The following SKIC3 variants were observed in gnomAD, a reference collection of about 807,000 sequenced individuals.
The protein encoded by SKIC3 is superkiller complex protein 3.
the SKIC3 span, among the ~76,000 whole-genome samples, chr5:95,489,822 A>T: frequency 6.6e-6 from 1 of 152,158 alleles, no homozygotes; most frequent in South Asian, 2.1e-4. Context: ...TAATCTGAAG[A>T]GCATGGCTTC....
the SKIC3 span, among the ~76,000 whole-genome samples, chr5:95,474,686 A>T: frequency 1.3e-5 from 2 of 152,106 alleles, no homozygotes; most frequent in African/African-American, 4.8e-5. Flanking sequence ...ATTTAGGAAA[A>T]TTTTTGTGGA....
chr5:95,503,668 G>A, the SKIC3 span: 1 of 1,003,826 alleles, frequency 1.0e-6, no homozygotes, highest in Non-Finnish European at 1.5e-6. Context: ...ATAAAAAAGT[G>A]CCTAGTATTG....
the SKIC3 span, among the ~76,000 whole-genome samples, chr5:95,533,814 T>A: frequency 6.6e-6 from 1 of 152,208 alleles, no homozygotes; most frequent in Non-Finnish European, 1.5e-5. Context: ...TGCAAAACTC[T>A]GTAGACTATT....
chr5:95,496,856 T>C, the SKIC3 span, among the ~76,000 whole-genome samples: 1 of 152,122 alleles, frequency 6.6e-6, no homozygotes, highest in Admixed American at 6.5e-5. Context: ...TACCAACTAG[T>C]GAAGTGAACT....
chr5:95,533,630 T>A, the SKIC3 span, among the ~76,000 whole-genome samples: 2 of 152,198 alleles, frequency 1.3e-5, no homozygotes, highest in Non-Finnish European at 2.9e-5. Context: ...TATCCACATA[T>A]ACACTCTTTT....
the SKIC3 span, chr5:95,525,297 A>G: frequency 8.9e-7 from 1 of 1,118,700 alleles, no homozygotes; most frequent in Non-Finnish European, 1.3e-6. Flanking sequence ...GATCAAATTC[A>G]TGAAAAATCA....
At chr5:95,522,834 G>T in the SKIC3 span, among the ~76,000 whole-genome samples, 3 of 152,036 alleles carry the variant, frequency 2.0e-5, no homozygotes, top group Admixed American at 2.0e-4. Flanking sequence ...GACTCAAATT[G>T]ATCATATATG....
chr5:95,469,684 T>C, the SKIC3 span: 2 of 1,566,542 alleles, frequency 1.3e-6, no homozygotes, highest in Non-Finnish European at 1.8e-6. Flanking sequence ...ATTGGTCTGT[T>C]ACAAACTTTA....
the SKIC3 span, among the ~76,000 whole-genome samples, chr5:95,489,569 AAAG>A: frequency 8.6e-5 from 13 of 151,974 alleles, no homozygotes; most frequent in Non-Finnish European, 1.3e-4. Context: ...ACATGCTAAC[AAAG>A]AAGAGAAAAT....
At chr5:95,494,607 A>AT in the SKIC3 span, 2 of 1,443,984 alleles carry the variant, frequency 1.4e-6, no homozygotes, top group East Asian at 4.6e-5. Flanking sequence ...TGTGTGCAAG[A>AT]TTTTTCCCCC....
At chr5:95,480,894 G>T in the SKIC3 span, among the ~76,000 whole-genome samples, 2 of 152,098 alleles carry the variant, frequency 1.3e-5, no homozygotes, top group African/African-American at 4.8e-5. Context: ...TTGATATGAA[G>T]TTCAAAAACA....
At chr5:95,513,627 C>T in the SKIC3 span, 1 of 1,613,860 alleles carries the variant, frequency 6.2e-7, no homozygotes, top group Non-Finnish European at 8.5e-7. Context: ...TAACTTCCAA[C>T]TGCCTCAGCA....
the SKIC3 span, among the ~76,000 whole-genome samples, chr5:95,539,451 T>C: frequency 6.6e-6 from 1 of 152,098 alleles, no homozygotes; most frequent in Non-Finnish European, 1.5e-5. Flanking sequence ...AAAAAATAGA[T>C]GTTGGTGTGG....
At chr5:95,513,532 T>G in the SKIC3 span, 9 of 1,593,090 alleles carry the variant, frequency 5.6e-6, no homozygotes, top group East Asian at 2.2e-5. Context: ...AACACTTTTC[T>G]CATTAATGAA....
the SKIC3 span, among the ~76,000 whole-genome samples, chr5:95,507,666 T>C: frequency 6.6e-6 from 1 of 152,226 alleles, no homozygotes; most frequent in Non-Finnish European, 1.5e-5. Flanking sequence ...GAAAGATTTT[T>C]TATCTCCCTG....
the SKIC3 span, chr5:95,506,966 A>T: frequency 6.2e-7 from 1 of 1,613,504 alleles, no homozygotes; most frequent in Non-Finnish European, 8.5e-7. Context: ...TTATTGCAAC[A>T]TTGTAAGTAT....
chr5:95,471,196 G>T, the SKIC3 span, among the ~76,000 whole-genome samples: 1,664 of 152,210 alleles, frequency 0.011, 35 homozygotes, highest in African/African-American at 0.038. Flanking sequence ...GTAAGGCAAA[G>T]CACATTCTAA....
the SKIC3 span, among the ~76,000 whole-genome samples, chr5:95,487,861 G>C: frequency 1.3e-5 from 2 of 151,970 alleles, no homozygotes; most frequent in Non-Finnish European, 2.9e-5. Context: ...TGAAATCCTA[G>C]GGGAAAAATT....
the SKIC3 span, chr5:95,497,418 T>C: frequency 6.2e-7 from 1 of 1,612,394 alleles, no homozygotes; most frequent in South Asian, 1.1e-5. Flanking sequence ...TACTTTACCT[T>C]TGCATTTCGT....
Sources: gnomAD v4.1 joint callset for allele counts (sites outside exome capture counted in the v4.1 genomes callset) on GRCh38, gnomAD v4.1.1 for gene constraint, MANE v1.5 for transcripts, NCBI Gene and HGNC (gene_info 2026-07-23, HGNC 2026-07-21) for gene names.